CEACAM5: variants seen among roughly 807,000 people sequenced by gnomAD.
CEACAM5 encodes the protein CEA cell adhesion molecule 5.
CEACAM5 carries 52 observed loss-of-function variants against 63.0 expected under a neutral mutation model. The observed-to-expected ratio is 0.83, with a 90% CI of 0.66 to 1.04. The LOEUF is 1.04. Ranked by LOEUF, CEACAM5 falls within the 50% of genes least tolerant of loss-of-function variation. The pLI is 0.00. For synonymous variants in CEACAM5, 357 were observed against 351.3 expected (o/e 1.02, Z -0.18); for missense variants, 790 against 864.8 (o/e 0.91, Z 1.08).
intron 2 of CEACAM5, 181 bp downstream of exon 2, chr19:41,710,220 G>A (rs1294562158): frequency 1.1e-5 from 11 of 993,880 alleles, no homozygotes; most frequent in East Asian, 4.8e-5. Flanking sequence ...ATTCCTTTCC[G>A]GCATCCAGAC....
Position 41,709,714 on chromosome 19 carries a change from T to G in CEACAM5, c.99T>G (p.Thr33=), listed in dbSNP as rs782040965. ...TAACCTTCTGGAACCCGCCCACCAC[T>G]GCCAAGCTCACTATTGAATCCACGC... The part of the protein sequence containing the change: ...SLLTFWNPPT[T]AKLTIESTPF... Residue 33 remains threonine (T), a synonymous_variant, in exon 2 of 10, where the codon ACT becomes ACG. Coordinates refer to ENST00000221992, the MANE Select transcript of CEACAM5 (RefSeq NM_004363.6). 6.2e-7 allele frequency: 1 copy of G among 1,613,956 alleles called. No homozygotes were observed. The highest frequency in any genetic ancestry group is 8.5e-7 in the Non-Finnish European group (1 of 1,179,994).
Position 41,715,199 on chromosome 19 carries a change from A to G in CEACAM5, c.653A>G (p.Gln218Arg), listed in dbSNP as rs781931742. The change falls in exon 3 of 10, where the codon CAG becomes CGG. Residue 218 changes from glutamine (Q) to arginine (R), a missense_variant. Physicochemically the swap from Gln to Arg is conservative, Grantham distance 43. Transcript: ENST00000221992. ...ACAGCAAGCTACAAATGTGAAACCC[A>G]GAACCCAGTGAGTGCCAGGCGCAGT... ...NDTASYKCETQNPVSARRSDS... is the reference protein window; with the variant it reads ...NDTASYKCETRNPVSARRSDS... The G allele has an allele frequency of 2.5e-6, 4 of 1,614,252 alleles. No homozygotes were observed. Among genetic ancestry groups the G allele is most frequent in the Non-Finnish European group, 3.4e-6 (4 of 1,180,048 alleles).
At chr19:41,728,786 C>CAAA (rs55647539) in intron 9 of CEACAM5, among the ~76,000 whole-genome samples, 57 of 73,264 alleles carry the variant, frequency 7.8e-4, no homozygotes, top group African/African-American at 2.7e-3. Context: ...GACTCCGTCT[C>CAAA]AAAAAAAAAA....
Position 41,715,216 on chromosome 19 carries a change from A to G in CEACAM5, c.670A>G (p.Arg224Gly), listed in dbSNP as rs1555814732. The change falls in exon 3 of 10, where the codon AGG becomes GGG. Residue 224 changes from arginine (R) to glycine (G), a missense_variant. Coordinates refer to ENST00000221992, the MANE Select transcript of CEACAM5 (RefSeq NM_004363.6). ...KCETQNPVSA[R>G]RSDSVILNVL... ...TGAAACCCAGAACCCAGTGAGTGCC[A>G]GGCGCAGTGATTCAGTCATCCTGAA... 4.3e-6 allele frequency: 7 copies of G among 1,614,230 alleles called. No homozygotes were observed. The highest frequency in any genetic ancestry group is 5.9e-6 in the Non-Finnish European group (7 of 1,180,046).
chr19:41,729,960 T>G lies in CEACAM5; in HGVS notation c.*813T>G, dbSNP rs547878620. Among the ~76,000 whole-genome samples the G allele has an allele frequency of 3.9e-5, 6 of 152,342 alleles. No homozygotes were observed. Among genetic ancestry groups the G allele is most frequent in the Non-Finnish European group, 8.8e-5 (6 of 68,040 alleles). On this transcript the variant is annotated 3_prime_UTR_variant, in exon 10 of 10. Coordinates refer to ENST00000221992, the MANE Select transcript of CEACAM5 (RefSeq NM_004363.6). ...AAAACATTGGTTATATTACCAAGAC[T>G]TTGACTAGAATGTCGTATTTGAGGA...
At chr19:41,718,447 G>A in intron 6 of CEACAM5, 65 bp downstream of exon 6, 1 of 1,566,068 alleles carries the variant, frequency 6.4e-7, no homozygotes, top group Non-Finnish European at 8.7e-7. Flanking sequence ...TTTCAGAAAA[G>A]AGCCAGGAAG....
intron 3 of CEACAM5, 132 bp from the exon 4 acceptor site, chr19:41,715,518 G>C (rs1555814853): frequency 7.8e-7 from 1 of 1,274,588 alleles, no homozygotes; most frequent in Admixed American, 1.8e-5. Context: ...AGGCTCAGTA[G>C]ATACAAGAGG....
rs1185258099 is a variant in CEACAM5 at position 41,730,203 on chromosome 19, G to A, written c.*1056G>A. Among the ~76,000 whole-genome samples, 4 of 152,030 alleles carry A rather than the reference G, an allele frequency of 2.6e-5. No homozygotes were observed. Among genetic ancestry groups the A allele is most frequent in the African/African-American group, 4.8e-5 (2 of 41,386 alleles). On this transcript the variant is annotated 3_prime_UTR_variant, in exon 10 of 10. Transcript: ENST00000221992. ...TGATCCGCCGAGGCGGGCGGATCAC[G>A]AGGTCAGGAGATCCAGACCATCCTG...
chr19:41,725,855 A>G (rs2072693775), intron 8 of CEACAM5, among the ~76,000 whole-genome samples: 1 of 151,934 alleles, frequency 6.6e-6, no homozygotes, highest in South Asian at 2.1e-4. Flanking sequence ...TCCTTCATGT[A>G]CTATCTGTGG....
In CEACAM5 at chr19:41,717,475, A is replaced by C; in HGVS notation, c.979A>C (p.Ile327Leu). 6.2e-7 allele frequency: 1 copy of C among 1,614,006 alleles called. No homozygotes were observed. ...CACAGCAGAGCCACCCAAACCCTTC[A>C]TCACCAGCAACAACTCCAACCCCGT... ...TVYAEPPKPFITSNNSNPVED... is the reference protein window; with the variant it reads ...TVYAEPPKPFLTSNNSNPVED... Residue 327 changes from isoleucine (I) to leucine (L), a missense_variant, in exon 5 of 10, where the codon ATC (isoleucine) becomes CTC (leucine). Transcript: ENST00000221992.
In CEACAM5 at chr19:41,727,252, G is replaced by A. The variant is rs1441607923; in HGVS notation, c.2045G>A (p.Gly682Asp). 3.1e-6 allele frequency: 5 copies of A among 1,613,824 alleles called. No individual in the cohort carries two copies. Among genetic ancestry groups the A allele is most frequent in the Non-Finnish European group, 4.2e-6 (5 of 1,179,854 alleles). Reference sequence around the variant, plus strand: ...GATTCAGCATCTGGAACTTCTCCTGGTCTCTCAGCTGGGGCCACTGTCGGC... The same window carrying A: ...GATTCAGCATCTGGAACTTCTCCTGATCTCTCAGCTGGGGCCACTGTCGGC... ...ITVSASGTSPGLSAGATVGIM... is the reference protein window; with the variant it reads ...ITVSASGTSPDLSAGATVGIM... The change falls in exon 9 of 10, where the codon GGT becomes GAT. Residue 682 changes from glycine (G) to aspartate (D), a missense_variant. Transcript: ENST00000221992.
chr19:41,722,768 T>G (rs782070535), intron 8 of CEACAM5, among the ~76,000 whole-genome samples: 4 of 152,264 alleles, frequency 2.6e-5, no homozygotes, highest in African/African-American at 4.8e-5. Flanking sequence ...TTTCCACCTT[T>G]TGGCTATTGT....
In CEACAM5 at chr19:41,715,006, T is replaced by G. The variant is rs781845608; in HGVS notation, c.460T>G (p.Ser154Ala). The G allele has an allele frequency of 2.9e-5, 47 of 1,613,896 alleles. No homozygotes were observed. The highest frequency in any genetic ancestry group is 3.9e-5 in the Non-Finnish European group (46 of 1,180,016). ...LPKPSISSNN[S>A]KPVEDKDAVA... ...CAAGCCCTCCATCTCCAGCAACAAC[T>G]CCAAACCCGTGGAGGACAAGGATGC... is the stretch of plus-strand genomic sequence containing the variant. The change falls in exon 3 of 10, where the codon TCC (serine) becomes GCC (alanine). Residue 154 changes from serine (S) to alanine (A), a missense_variant. Coordinates refer to ENST00000221992, the MANE Select transcript of CEACAM5 (RefSeq NM_004363.6).
Position 41,718,113 on chromosome 19 carries a change from T to C in CEACAM5, c.1238-15T>C, listed in dbSNP as rs1480133247. On this transcript the variant is annotated splice_polypyrimidine_tract_variant and intron_variant, in intron 5 of 9. Transcript: ENST00000221992. ...CTGATGACATTCACCTGTGGCCCTA[T>C]TCTCTTTGCTCCAGATGGCCCAGAC... 3 of 1,613,694 alleles carry C rather than the reference T, an allele frequency of 1.9e-6. No individual in the cohort carries two copies. The highest frequency in any genetic ancestry group is 2.5e-6 in the Non-Finnish European group (3 of 1,179,820).
At chr19:41,709,537 G>GACACAC (rs71334990) in intron 1 of CEACAM5, 143 bp from the exon 2 acceptor site, 80,638 of 1,104,242 alleles carry the variant, frequency 0.073, 781 homozygotes, top group Admixed American at 0.13. Context: ...GACCTAGTAG[G>GACACAC]ACACACACAC....
In CEACAM5 at chr19:41,727,467, C is replaced by T. The variant is rs1398021087; in HGVS notation, c.*36+115C>T. 8.9e-6 allele frequency: 6 copies of T among 671,986 alleles called. No individual in the cohort carries two copies. In the Admixed American group the frequency reaches 1.0e-4, roughly 11 times the overall value. 41.6% of individuals were successfully genotyped at this position (671,986 alleles called of 1,614,324 possible). On this transcript the variant is annotated intron_variant, in intron 9 of 9. Transcript: ENST00000221992. ...GGGACTGGATCTCTTCCTCCTACCC[C>T]CAAGCTCCTGCTTCTCAGCACTAAT...
At chr19:41,727,057 T>A (rs2072710073) in intron 8 of CEACAM5, among the ~76,000 whole-genome samples, 177 bp from the exon 9 acceptor site, 1 of 152,186 alleles carries the variant, frequency 6.6e-6, no homozygotes, top group South Asian at 2.1e-4. Flanking sequence ...AGAAGACTGA[T>A]CACCAACTAG....
intron 5 of CEACAM5, 130 bp downstream of exon 5, chr19:41,717,863 C>A: frequency 8.1e-7 from 1 of 1,238,752 alleles, no homozygotes; most frequent in Non-Finnish European, 1.1e-6. Context: ...GCTGGCCCTA[C>A]CCCCAGCAAA....
chr19:41,709,539 C>A, intron 1 of CEACAM5, 141 bp from the exon 2 acceptor site: 1 of 368,286 alleles, frequency 2.7e-6, no homozygotes, highest in Non-Finnish European at 4.1e-6. Flanking sequence ...CCTAGTAGGA[C>A]ACACACACAC....
Sources: gnomAD v4.1 joint callset for allele counts (sites outside exome capture counted in the v4.1 genomes callset) on GRCh38, gnomAD v4.1.1 for gene constraint, MANE v1.5 for transcripts, NCBI Gene and HGNC (gene_info 2026-07-23, HGNC 2026-07-21) for gene names.